CTNNBL1: variants seen among roughly 807,000 people sequenced by gnomAD.
CTNNBL1 encodes the protein catenin beta like 1, also known as beta-catenin-like protein 1.
A neutral mutation model predicts 72.7 loss-of-function variants in CTNNBL1; 31 were observed. That is an observed-to-expected ratio of 0.43 (90% confidence interval 0.32 to 0.58). The LOEUF (loss-of-function observed/expected upper bound fraction) is 0.58. Among genes scored for constraint, CTNNBL1 ranks in the 20% least tolerant of loss-of-function variants. The pLI, the probability that CTNNBL1 is intolerant of heterozygous loss-of-function variation, is 0.08. For synonymous variants in CTNNBL1, 240 were observed against 267.3 expected, an observed-to-expected ratio of 0.90 and a Z score of 1.00; for missense variants, 534 against 725.1, an observed-to-expected ratio of 0.74 and a Z score of 3.03.
intron 7 of CTNNBL1, among the ~76,000 whole-genome samples, chr20:37,771,445 C>T (rs917804652): frequency 6.6e-6 from 1 of 152,208 alleles, no homozygotes; most frequent in Non-Finnish European, 1.5e-5. Flanking sequence ...CATTCAGAAA[C>T]TTACCTGGAG....
chr20:37,793,411 A>C (rs2073743540), intron 10 of CTNNBL1, among the ~76,000 whole-genome samples: 2 of 152,176 alleles, frequency 1.3e-5, no homozygotes, highest in African/African-American at 4.8e-5. Context: ...TTGATCTGAA[A>C]TCTACTTTGT....
intron 10 of CTNNBL1, among the ~76,000 whole-genome samples, chr20:37,795,433 A>G (rs2073764699): frequency 6.6e-6 from 1 of 152,256 alleles, no homozygotes; most frequent in Non-Finnish European, 1.5e-5. Context: ...AATGGTATGT[A>G]TATGATATAA....
chr20:37,779,122 G>A, intron 9 of CTNNBL1, 65 bp from the exon 10 acceptor site: 22 of 1,531,516 alleles, frequency 1.4e-5, no homozygotes, highest in Non-Finnish European at 1.9e-5. Flanking sequence ...AGGAATTGTT[G>A]GATGGAGGCT....
chr20:37,782,893 C>T (rs2122698796), intron 10 of CTNNBL1, among the ~76,000 whole-genome samples: 1 of 152,122 alleles, frequency 6.6e-6, no homozygotes, highest in Non-Finnish European at 1.5e-5. Context: ...AGTCCAGTAT[C>T]AATTTTTAAA....
At chr20:37,776,816 G>T (rs1005380057) in intron 7 of CTNNBL1, among the ~76,000 whole-genome samples, 5 of 152,060 alleles carry the variant, frequency 3.3e-5, no homozygotes, top group Non-Finnish European at 5.9e-5. Context: ...GCAGATTATG[G>T]CATGCAAGCA....
chr20:37,701,972 C>T (rs371174206), intron 1 of CTNNBL1, among the ~76,000 whole-genome samples: 88 of 152,134 alleles, frequency 5.8e-4, no homozygotes, highest in East Asian at 3.3e-3. Flanking sequence ...ATACATCGTA[C>T]GCACGTGGAA....
At chr20:37,813,797 C>G (rs2072031839) in intron 11 of CTNNBL1, among the ~76,000 whole-genome samples, 1 of 152,120 alleles carries the variant, frequency 6.6e-6, no homozygotes, top group African/African-American at 2.4e-5. Context: ...AGAGAAATAG[C>G]CAGACTCCTT....
intron 10 of CTNNBL1, among the ~76,000 whole-genome samples, chr20:37,797,354 C>CT (rs76016183): frequency 0.088 from 9,092 of 103,890 alleles, 550 homozygotes; most frequent in African/African-American, 0.19. Context: ...CACCTTGTTG[C>CT]TTTTTTTTTT....
At chr20:37,778,474 G>T (rs1396830727) in intron 9 of CTNNBL1, among the ~76,000 whole-genome samples, 2 of 152,160 alleles carry the variant, frequency 1.3e-5, no homozygotes, top group Admixed American at 6.5e-5. Context: ...TCCAGTTCTG[G>T]GAAGGTGCTT....
chr20:37,841,485 C>T (rs1186928469), intron 12 of CTNNBL1, among the ~76,000 whole-genome samples: 3 of 152,182 alleles, frequency 2.0e-5, no homozygotes, highest in African/African-American at 7.2e-5. Context: ...GTCTTAGGGT[C>T]ATCAGTGTTG....
At chr20:37,712,897 A>T (rs2072950791) in intron 1 of CTNNBL1, among the ~76,000 whole-genome samples, 1 of 152,244 alleles carries the variant, frequency 6.6e-6, no homozygotes, top group Admixed American at 6.5e-5. Context: ...TTTTCAGTGC[A>T]TCTCTTAGTG....
At chr20:37,718,591 G>C (rs1260848314) in intron 1 of CTNNBL1, among the ~76,000 whole-genome samples, 1 of 141,532 alleles carries the variant, frequency 7.1e-6, no homozygotes, top group Non-Finnish European at 1.5e-5. Context: ...GCGGGGGGCT[G>C]ACCCCCCCCA....
intron 15 of CTNNBL1, among the ~76,000 whole-genome samples, chr20:37,865,462 T>A (rs1307267072): frequency 6.6e-6 from 1 of 152,192 alleles, no homozygotes. Flanking sequence ...CTACCATCTA[T>A]CCACAGGCCT....
At chr20:37,788,395 A>T (rs2073696720) in intron 10 of CTNNBL1, among the ~76,000 whole-genome samples, 1 of 152,208 alleles carries the variant, frequency 6.6e-6, no homozygotes, top group African/African-American at 2.4e-5. Context: ...TGGCCCACGG[A>T]ATTTTTGGCA....
At chr20:37,761,211 G>T (rs915224889) in intron 5 of CTNNBL1, among the ~76,000 whole-genome samples, 1 of 152,112 alleles carries the variant, frequency 6.6e-6, no homozygotes, top group East Asian at 1.9e-4. Flanking sequence ...TGGAAGTGTG[G>T]CTGGGTGGTG....
At chr20:37,802,577 A>G (rs370414222) in intron 10 of CTNNBL1, among the ~76,000 whole-genome samples, 2 of 152,334 alleles carry the variant, frequency 1.3e-5, no homozygotes, top group East Asian at 3.9e-4. Context: ...ACACCCCGAA[A>G]TAATCTCTTA....
At chr20:37,757,733 G>A in intron 5 of CTNNBL1, 77 bp downstream of exon 5, 1 of 1,071,956 alleles carries the variant, frequency 9.3e-7, no homozygotes, top group Non-Finnish European at 1.4e-6. Context: ...CTCGGAGAGT[G>A]GCCACCAGGT....
chr20:37,724,268 C>CTCTG (rs1042104072), intron 1 of CTNNBL1, among the ~76,000 whole-genome samples: 1 of 152,130 alleles, frequency 6.6e-6, no homozygotes, highest in Non-Finnish European at 1.5e-5. Context: ...CCCTCTTCTC[C>CTCTG]TCTGTTGCCC....
Position 37,694,073 on chromosome 20 carries a change from C to T in CTNNBL1, c.-50C>T, listed in dbSNP as rs1436449602. The T allele has an allele frequency of 3.1e-6, 5 of 1,587,486 alleles. No individual in the cohort carries two copies. Among genetic ancestry groups the T allele is most frequent in the Non-Finnish European group, 4.3e-6 (5 of 1,168,194 alleles). On this transcript the variant is annotated 5_prime_UTR_variant, in exon 1 of 16. Transcript: ENST00000361383. ...GCTGGAGCCGCGGCTGACGGGCCCG[C>T]GGTCTGGGCGTGAGTGCAGGGAAGT...
Sources: allele counts gnomAD v4.1 joint callset (sites outside exome capture counted in the v4.1 genomes callset), GRCh38; gene constraint gnomAD v4.1.1; transcripts MANE v1.5; gene names NCBI Gene and HGNC (gene_info 2026-07-23, HGNC 2026-07-21).